RPP14: variants seen among roughly 807,000 people sequenced by gnomAD.
The protein encoded by RPP14 is ribonuclease P protein subunit p14.
A neutral mutation model predicts 17.8 loss-of-function variants in RPP14; 19 were observed. The ratio of observed to expected loss-of-function variants is 1.07; its 90% CI spans 0.74 to 1.57. RPP14 has a LOEUF of 1.57. RPP14 is among the 40% of genes most tolerant of loss of function. The probability of loss-of-function intolerance (pLI) is 0.00; values close to 1 mark genes in which losing one functional copy is unlikely to be tolerated. For synonymous variants in RPP14, 60 were observed against 56.4 expected (o/e 1.06, Z -0.29); for missense variants, 125 against 140.8 (o/e 0.89, Z 0.57).
chr3:58,307,515 A>G (rs928032736), intron 1 of RPP14, among the ~76,000 whole-genome samples: 1 of 152,212 alleles, frequency 6.6e-6, no homozygotes, highest in African/African-American at 2.4e-5. Context: ...ACTTGACGCC[A>G]GGAGTTCGAG....
At position 58,316,527 on chromosome 3, in the gene RPP14, T is replaced by A. The variant is rs755559826; in HGVS notation, c.175T>A (p.Leu59Ile). The stretch of plus-strand genomic sequence containing the variant: ...ATTCCATATGCAGGTTGATGCCGCC[T>A]TACCTTTGGACATCCTAACCTATGA... The part of the protein sequence containing the change: ...KDLFGEVDAA[L>I]PLDILTYEEK... The change falls in exon 4 of 6, where the codon TTA (leucine) becomes ATA (isoleucine). Residue 59 changes from leucine (L) to isoleucine (I), a missense_variant. Leu to Ile is a conservative substitution (Grantham distance 5, BLOSUM62 2). Transcript: ENST00000295959. 35 of 1,614,012 alleles carry A rather than the reference T, an allele frequency of 2.2e-5. No homozygotes were observed. In the Middle Eastern group the frequency reaches 3.3e-3, roughly 152 times the overall value.
chr3:58,309,903 T>A (rs1017428839), intron 1 of RPP14, among the ~76,000 whole-genome samples: 14 of 150,230 alleles, frequency 9.3e-5, no homozygotes, highest in South Asian at 8.5e-4. Context: ...AAAAAAAAAA[T>A]AATAATAACA....
Position 58,318,495 on chromosome 3 carries a change from C to CAA in RPP14, c.*1019_*1020dup, listed in dbSNP as rs34820106. 17,640 of 83,692 alleles carry CAA rather than the reference C, an allele frequency of 0.21. 2,783 individuals carry two copies. Among genetic ancestry groups the CAA allele is most frequent in the East Asian group, 0.76 (1,831 of 2,414 alleles). 5.2% of individuals were successfully genotyped at this position (83,692 alleles called of 1,614,324 possible). On this transcript the variant is annotated 3_prime_UTR_variant, in exon 6 of 6. Transcript: ENST00000295959. ...CAACATGGTGAAACCCCATCTCTACCAAAAAAAAAAAAAAAAAAAAAGTGC... is the reference window on the plus strand; with the variant it reads ...CAACATGGTGAAACCCCATCTCTACCAAAAAAAAAAAAAAAAAAAAAAAGTGC...
At position 58,313,288 on chromosome 3, in the gene RPP14, G is replaced by C. The variant is rs371245090; in HGVS notation, c.162+2697G>C. 2.8e-4 allele frequency among the ~76,000 whole-genome samples: 42 copies of C among 152,182 alleles called. No individual in the cohort carries two copies. In the South Asian group the frequency reaches 3.7e-3, roughly 14 times the overall value. On this transcript the variant is annotated intron_variant, in intron 3 of 5. Coordinates refer to ENST00000295959, the MANE Select transcript of RPP14 (RefSeq NM_007042.6). ...AAAAGGCTCCTCATGAAAAAAAGAT[G>C]AACTGAACTAAACATGGTGATTAAT...
chr3:58,311,563 G>A (rs1014752909), intron 3 of RPP14, among the ~76,000 whole-genome samples: 1 of 151,988 alleles, frequency 6.6e-6, no homozygotes, highest in Non-Finnish European at 1.5e-5. Context: ...TCATGATGCT[G>A]CAAATGACAG....
At chr3:58,308,366 C>G (rs2097477999) in intron 1 of RPP14, among the ~76,000 whole-genome samples, 1 of 152,146 alleles carries the variant, frequency 6.6e-6, no homozygotes, top group Non-Finnish European at 1.5e-5. Context: ...GCACTGTATC[C>G]TTAACCTCCC....
intron 1 of RPP14, among the ~76,000 whole-genome samples, chr3:58,307,185 G>A (rs566594569): frequency 6.6e-6 from 1 of 152,232 alleles, no homozygotes; most frequent in African/African-American, 2.4e-5. Flanking sequence ...AGGACATGAA[G>A]TCAGAGGTGT....
chr3:58,312,238 C>G (rs1020777176), intron 3 of RPP14, among the ~76,000 whole-genome samples: 3 of 151,792 alleles, frequency 2.0e-5, no homozygotes, highest in African/African-American at 7.3e-5. Context: ...GTGAGGGTTC[C>G]CCTAGAGATT....
chr3:58,318,495 CAAA>C lies in RPP14; in HGVS notation c.*1018_*1020del, dbSNP rs34820106. ...CAACATGGTGAAACCCCATCTCTACCAAAAAAAAAAAAAAAAAAAAAGTGCAAC... is the reference window on the plus strand; with the variant it reads ...CAACATGGTGAAACCCCATCTCTACCAAAAAAAAAAAAAAAAAAGTGCAAC... On this transcript the variant is annotated 3_prime_UTR_variant, in exon 6 of 6. Transcript: ENST00000295959. 9.5e-5 allele frequency: 8 copies of C among 83,868 alleles called. No individual in the cohort carries two copies. The highest frequency in any genetic ancestry group is 4.9e-4 in the South Asian group (1 of 2,056). 5.2% of individuals were successfully genotyped at this position (83,868 alleles called of 1,614,324 possible).
chr3:58,313,056 G>A (rs945366157), intron 3 of RPP14, among the ~76,000 whole-genome samples: 45 of 150,700 alleles, frequency 3.0e-4, no homozygotes, highest in Admixed American at 2.7e-3. Flanking sequence ...AAGGTCAGCC[G>A]ATCAAGACCA....
rs1032305702 is a variant in RPP14, at chr3:58,319,625, C to T, written c.*2129C>T. 1.0e-5 allele frequency: 1 copy of T among 96,946 alleles called. No individual in the cohort carries two copies. The highest frequency in any genetic ancestry group is 3.8e-4 in the South Asian group (1 of 2,666). The allele number at this position is 96,946 out of a possible 1,614,324, so 6.0% of individuals were successfully genotyped here. ...CTCCCATTATTATGAGTAATACATG[C>T]TTATAGTAAAAAAAAAAAAATTGTA... On this transcript the variant is annotated 3_prime_UTR_variant, in exon 6 of 6. Coordinates refer to ENST00000295959, the MANE Select transcript of RPP14 (RefSeq NM_007042.6).
Position 58,318,060 on chromosome 3 carries a change from T to C in RPP14, c.*564T>C, listed in dbSNP as rs1559796844. The C allele has an allele frequency of 1.5e-6, 1 of 688,670 alleles. No individual in the cohort carries two copies. Among genetic ancestry groups the C allele is most frequent in the East Asian group, 2.7e-5 (1 of 37,222 alleles). 42.7% of individuals were successfully genotyped at this position (688,670 alleles called of 1,614,324 possible). A position where few individuals can be genotyped will look rare whatever the true frequency, so the allele number is the denominator to read the frequency against. ...CAGTGTCATGTTCTGTAATAGAAAG[T>C]AAAAAGACTGTTATGGAAGGCTGGG... On this transcript the variant is annotated 3_prime_UTR_variant, in exon 6 of 6. Transcript: ENST00000295959.
At chr3:58,317,081 A>AT in intron 5 of RPP14, 88 bp downstream of exon 5, 1 of 922,826 alleles carries the variant, frequency 1.1e-6, no homozygotes, top group Non-Finnish European at 1.7e-6. Context: ...TTGTGCTTGC[A>AT]TAAATGTAAT....
intron 3 of RPP14, among the ~76,000 whole-genome samples, chr3:58,312,098 C>T (rs994956893): frequency 2.0e-5 from 3 of 152,044 alleles, no homozygotes; most frequent in Admixed American, 1.3e-4. Context: ...AAGCAATCCT[C>T]CTGCCTTGGC....
intron 3 of RPP14, among the ~76,000 whole-genome samples, chr3:58,312,054 A>C (rs1158640105): frequency 8.6e-5 from 13 of 151,022 alleles, no homozygotes; most frequent in Admixed American, 8.6e-4. Context: ...TTGTAGAGGC[A>C]AGGTCTCACT....
intron 3 of RPP14, 156 bp from the exon 4 acceptor site, chr3:58,316,359 G>C: frequency 4.7e-6 from 3 of 632,892 alleles, no homozygotes; most frequent in Non-Finnish European, 8.5e-6. Context: ...TCTAGGCAGG[G>C]GGAGCTGTAA....
At chr3:58,315,203 C>T (rs536358772) in intron 3 of RPP14, among the ~76,000 whole-genome samples, 4 of 151,958 alleles carry the variant, frequency 2.6e-5, no homozygotes, top group African/African-American at 4.8e-5. Flanking sequence ...GGAATATACT[C>T]GACAGTGAAA....
chr3:58,318,732 G>GCT lies in RPP14; in HGVS notation c.*1238_*1239dup. On this transcript the variant is annotated 3_prime_UTR_variant, in exon 6 of 6. Coordinates refer to ENST00000295959, the MANE Select transcript of RPP14 (RefSeq NM_007042.6). ...CTCTACTTTTAAATCAGGCGTGGCA[G>GCT]CTCACGCCTGTAATCCCAGCATTTT... 1 of 151,754 alleles carries GCT rather than the reference G, an allele frequency of 6.6e-6. No individual in the cohort carries two copies. The highest frequency in any genetic ancestry group is 6.6e-5 in the Admixed American group (1 of 15,214). 9.4% of individuals were successfully genotyped at this position (151,754 alleles called of 1,614,324 possible).
At chr3:58,309,338 C>G (rs1343271804) in intron 1 of RPP14, among the ~76,000 whole-genome samples, 1 of 152,166 alleles carries the variant, frequency 6.6e-6, no homozygotes. Flanking sequence ...TTTACTAAAC[C>G]TCTGTGTCAT....
Sources: gnomAD v4.1 joint callset for allele counts (sites outside exome capture counted in the v4.1 genomes callset) on GRCh38, gnomAD v4.1.1 for gene constraint, MANE v1.5 for transcripts, NCBI Gene and HGNC (gene_info 2026-07-23, HGNC 2026-07-21) for gene names.